The following DPYD variants were observed in gnomAD, a reference collection of about 807,000 sequenced individuals.
DPYD encodes dihydropyrimidine dehydrogenase [NADP(+)].
Under a neutral mutation model 116.2 loss-of-function variants are expected in DPYD, and 109 were observed. The ratio of observed to expected loss-of-function variants is 0.94; its 90% CI spans 0.80 to 1.10. The LOEUF is 1.10. Ranked by LOEUF, DPYD falls within the 50% of genes least tolerant of loss-of-function variation. The pLI is 0.00. For synonymous variants in DPYD, 440 were observed against 432.0 expected, an observed-to-expected ratio of 1.02 and a Z score of -0.23; for missense variants, 1,302 against 1,254.5, an observed-to-expected ratio of 1.04 and a Z score of -0.57.
chr1:97,700,517 T>C (rs899483279), intron 5 of DPYD, among the ~76,000 whole-genome samples: 3 of 152,024 alleles, frequency 2.0e-5, no homozygotes, highest in African/African-American at 7.2e-5. Flanking sequence ...ATAGCCAACC[T>C]AGCCTTGAGT....
intron 21 of DPYD, among the ~76,000 whole-genome samples, chr1:97,089,536 C>T (rs944107848): frequency 6.6e-6 from 1 of 152,172 alleles, no homozygotes; most frequent in African/African-American, 2.4e-5. Flanking sequence ...TCTTTATACT[C>T]ATTGCAGGAG....
intron 4 of DPYD, among the ~76,000 whole-genome samples, chr1:97,736,078 T>C (rs1055741170): frequency 1.3e-5 from 2 of 152,020 alleles, no homozygotes; most frequent in African/African-American, 4.8e-5. Flanking sequence ...GTTTCAATAA[T>C]TGCAAAGAAA....
At chr1:97,733,620 C>T (rs1348878072) in intron 4 of DPYD, among the ~76,000 whole-genome samples, 1 of 151,906 alleles carries the variant, frequency 6.6e-6, no homozygotes, top group African/African-American at 2.4e-5. Flanking sequence ...AGTATTCACC[C>T]GTTTTTATTA....
chr1:97,308,362 C>T (rs1172945374), intron 16 of DPYD: 1 of 151,594 alleles, frequency 6.6e-6, no homozygotes, highest in East Asian at 2.0e-4. Flanking sequence ...ACGGTGTTCA[C>T]ATATATTTTT....
chr1:97,156,362 A>G (rs1438858468), intron 20 of DPYD, among the ~76,000 whole-genome samples: 1 of 152,032 alleles, frequency 6.6e-6, no homozygotes, highest in Admixed American at 6.6e-5. Flanking sequence ...TTCGCAACCT[A>G]CTCATCTGAC....
intron 3 of DPYD, among the ~76,000 whole-genome samples, chr1:97,824,706 T>A (rs1669142797): frequency 6.6e-6 from 1 of 152,212 alleles, no homozygotes; most frequent in African/African-American, 2.4e-5. Context: ...CACATTATAT[T>A]TCAGTCTAGT....
intron 2 of DPYD, among the ~76,000 whole-genome samples, chr1:97,878,148 G>T (rs1389619212): frequency 2.0e-5 from 3 of 151,686 alleles, no homozygotes; most frequent in Non-Finnish European, 2.9e-5. Flanking sequence ...TCCATGCTAC[G>T]TTCAGTACCA....
At chr1:97,306,451 C>T in intron 16 of DPYD, 154 bp from the exon 17 acceptor site, 3 of 973,826 alleles carry the variant, frequency 3.1e-6, no homozygotes, top group Non-Finnish European at 3.2e-6. Flanking sequence ...CAGTATTACA[C>T]CTAGACTCAT....
At chr1:97,210,796 G>A (rs916302719) in intron 19 of DPYD, among the ~76,000 whole-genome samples, 1 of 152,064 alleles carries the variant, frequency 6.6e-6, no homozygotes, top group Non-Finnish European at 1.5e-5. Flanking sequence ...TCCACTCACT[G>A]CAGCCTACTA....
intron 2 of DPYD, among the ~76,000 whole-genome samples, chr1:97,849,704 A>G (rs1670481604): frequency 6.6e-6 from 1 of 152,192 alleles, no homozygotes. Context: ...ATAAAAATAA[A>G]GGAAGATATT....
At chr1:97,582,631 T>G (rs770074182) in intron 10 of DPYD, among the ~76,000 whole-genome samples, 1 of 152,212 alleles carries the variant, frequency 6.6e-6, no homozygotes, top group African/African-American at 2.4e-5. Context: ...TTCTTTTAAT[T>G]AGGCAAAAAA....
At chr1:97,688,625 T>G (rs746344625) in intron 7 of DPYD, among the ~76,000 whole-genome samples, 22 of 152,088 alleles carry the variant, frequency 1.4e-4, no homozygotes, top group Non-Finnish European at 3.1e-4. Context: ...ATAAGGCTAA[T>G]ATAACTCTAT....
intron 14 of DPYD, among the ~76,000 whole-genome samples, chr1:97,444,843 A>G (rs1418162334): frequency 6.6e-6 from 1 of 152,166 alleles, no homozygotes; most frequent in Non-Finnish European, 1.5e-5. Flanking sequence ...GAAAACATTT[A>G]GACTTTTATT....
At chr1:97,372,540 C>G (rs1188483230) in intron 16 of DPYD, among the ~76,000 whole-genome samples, 1 of 152,122 alleles carries the variant, frequency 6.6e-6, no homozygotes, top group African/African-American at 2.4e-5. Context: ...TGACTAGACC[C>G]TCCTTTCTTG....
At chr1:97,815,352 G>T (rs1433292526) in intron 3 of DPYD, among the ~76,000 whole-genome samples, 1 of 152,078 alleles carries the variant, frequency 6.6e-6, no homozygotes, top group Non-Finnish European at 1.5e-5. Flanking sequence ...GTAGAAACAA[G>T]GCATTCCAAT....
rs745583005 is a variant in DPYD at position 97,098,459 on chromosome 1, G to C, written c.2766+30C>G. The C allele has an allele frequency of 5.0e-6, 8 of 1,602,828 alleles. No individual in the cohort carries two copies. In the South Asian group the frequency reaches 8.8e-5, roughly 18 times the overall value. ...TTTGTATATTTAACCAGTAAAGTAG[G>C]CATACTTATATAGTTGGCATAATTT... On this transcript the variant is annotated intron_variant, in intron 21 of 22. Transcript: ENST00000370192.
chr1:97,385,706 A>G (rs938512251), intron 14 of DPYD, among the ~76,000 whole-genome samples: 3 of 152,044 alleles, frequency 2.0e-5, no homozygotes, highest in Non-Finnish European at 4.4e-5. Context: ...CACAGAGGAC[A>G]AGAAAAACCT....
intron 20 of DPYD, among the ~76,000 whole-genome samples, chr1:97,130,859 CTTCCTTCCTTCCTTCCTTCCTTCCTTCT>C (rs1653275212): frequency 7.4e-6 from 1 of 134,890 alleles, no homozygotes; most frequent in Non-Finnish European, 1.6e-5. Flanking sequence ...TCCTTCCTTC[CTTCCTTCCTTCCTTCCTTCCTTCCTTCT>C]TTCCTCCCTC....
intron 1 of DPYD, among the ~76,000 whole-genome samples, chr1:97,917,117 AATTT>A (rs1674256647): frequency 6.6e-6 from 1 of 152,212 alleles, no homozygotes; most frequent in African/African-American, 2.4e-5. Flanking sequence ...TAAAAGTCTT[AATTT>A]ATTTAAGAAT....
Sources: gnomAD v4.1 joint callset for allele counts (sites outside exome capture counted in the v4.1 genomes callset) on GRCh38, gnomAD v4.1.1 for gene constraint, MANE v1.5 for transcripts, NCBI Gene and HGNC (gene_info 2026-07-23, HGNC 2026-07-21) for gene names.